Variants in MCC observed in about 807,000 individuals in gnomAD.
MCC encodes the protein MCC regulator of Wnt signaling pathway.
Under a neutral mutation model 116.2 loss-of-function variants are expected in MCC, and 90 were observed. The observed-to-expected ratio is 0.77, with a 90% CI of 0.65 to 0.92. MCC has a LOEUF of 0.92. MCC is among the 40% of genes least tolerant of loss of function. The pLI is 0.00. For synonymous variants in MCC, 578 were observed against 510.5 expected (o/e 1.13, Z -1.78); for missense variants, 1,516 against 1,312.2 (o/e 1.16, Z -2.40).
rs115014887 is a variant in MCC at position 113,241,036 on chromosome 5, T to C, written c.628-89614A>G. The stretch of plus-strand genomic sequence containing the variant: ...ATCCTCTGGATGTCCTATAAATTAG[T>C]TGAATCAGAAACTGAGTAATATCAG... On this transcript the variant is annotated intron_variant, in intron 3 of 18. Transcript: ENST00000408903. Among the ~76,000 whole-genome samples, 640 of 152,316 alleles carry C rather than the reference T, an allele frequency of 4.2e-3. 7 individuals are homozygous for C. Among genetic ancestry groups the C allele is most frequent in the African/African-American group, 0.014 (593 of 41,572 alleles).
At chr5:113,081,349 A>G (rs1413835842) in intron 11 of MCC, among the ~76,000 whole-genome samples, 1 of 152,222 alleles carries the variant, frequency 6.6e-6, no homozygotes, top group Non-Finnish European at 1.5e-5. Context: ...TCTCATTTGC[A>G]AAACAGGACT....
At chr5:113,167,501 G>C (rs1760831167) in intron 3 of MCC, among the ~76,000 whole-genome samples, 1 of 152,114 alleles carries the variant, frequency 6.6e-6, no homozygotes, top group African/African-American at 2.4e-5. Context: ...ACAGGCTAGA[G>C]TGAAAAAGGG....
chr5:113,215,150 G>A (rs922863707), intron 3 of MCC, among the ~76,000 whole-genome samples: 3 of 152,178 alleles, frequency 2.0e-5, no homozygotes, highest in East Asian at 3.8e-4. Context: ...AGCCTTTGCT[G>A]ACAACCCTAG....
intron 6 of MCC, among the ~76,000 whole-genome samples, chr5:113,106,051 C>T (rs901986692): frequency 6.6e-6 from 1 of 152,188 alleles, no homozygotes; most frequent in East Asian, 1.9e-4. Flanking sequence ...GTAATTCTAA[C>T]GTGCAGTCAG....
chr5:113,103,814 C>T (rs931732062), intron 7 of MCC, among the ~76,000 whole-genome samples: 1 of 152,214 alleles, frequency 6.6e-6, no homozygotes, highest in African/African-American at 2.4e-5. Flanking sequence ...GAATGGACTC[C>T]TGAAATCGTA....
chr5:113,042,219 C>T (rs1445569566), intron 17 of MCC, among the ~76,000 whole-genome samples: 1 of 151,296 alleles, frequency 6.6e-6, no homozygotes, highest in Non-Finnish European at 1.5e-5. Context: ...TGCCTGTAAT[C>T]CCAACATTTT....
intron 8 of MCC, among the ~76,000 whole-genome samples, chr5:113,092,355 G>C (rs1755703335): frequency 6.6e-6 from 1 of 152,138 alleles, no homozygotes; most frequent in Non-Finnish European, 1.5e-5. Context: ...TCTAGATGCT[G>C]GAAGCGACAA....
At chr5:113,453,321 CAG>C (rs755415798) in intron 1 of MCC, among the ~76,000 whole-genome samples, 21 of 152,168 alleles carry the variant, frequency 1.4e-4, no homozygotes, top group Non-Finnish European at 2.6e-4. Flanking sequence ...GGCACACATA[CAG>C]AGAGTCCTAC....
At chr5:113,263,953 T>C (rs939449218) in intron 3 of MCC, among the ~76,000 whole-genome samples, 4 of 150,908 alleles carry the variant, frequency 2.7e-5, no homozygotes, top group African/African-American at 9.7e-5. Flanking sequence ...AAAAAACACG[T>C]GGTCAGATTG....
At chr5:113,286,733 AT>A (rs1490702991) in intron 3 of MCC, among the ~76,000 whole-genome samples, 1 of 152,296 alleles carries the variant, frequency 6.6e-6, no homozygotes, top group African/African-American at 2.4e-5. Flanking sequence ...TAACTACAGA[AT>A]TTTTTTCCCT....
chr5:113,073,759 G>A (rs965428441), intron 11 of MCC, among the ~76,000 whole-genome samples: 3 of 150,912 alleles, frequency 2.0e-5, no homozygotes, highest in Non-Finnish European at 2.9e-5. Flanking sequence ...GGGGTCCCAC[G>A]CCCACGGAGC....
chr5:113,073,326 C>G (rs1754175875), intron 11 of MCC, among the ~76,000 whole-genome samples: 1 of 152,246 alleles, frequency 6.6e-6, no homozygotes, highest in Non-Finnish European at 1.5e-5. Context: ...CCTGCCAGAG[C>G]TGCCCTGGCA....
chr5:113,132,997 T>C (rs1758555658), intron 5 of MCC, among the ~76,000 whole-genome samples: 3 of 152,134 alleles, frequency 2.0e-5, no homozygotes, highest in Non-Finnish European at 2.9e-5. Context: ...TAAGAATCTA[T>C]AACTTTCTTT....
chr5:113,474,111 G>C (rs1772170019), intron 1 of MCC, among the ~76,000 whole-genome samples: 1 of 152,162 alleles, frequency 6.6e-6, no homozygotes. Context: ...ACAAAAAGTT[G>C]ATAAACTTTT....
chr5:113,434,547 A>G lies in MCC; in HGVS notation c.171-49335T>C. Reference sequence around the variant, plus strand: ...TCCCCGGGTTTTGATTAACTCGAGGAGGTCGCCCTGGACCGCGAGCTCCAT... The same window carrying G: ...TCCCCGGGTTTTGATTAACTCGAGGGGGTCGCCCTGGACCGCGAGCTCCAT... On this transcript the variant is annotated intron_variant, in intron 1 of 18. Transcript: ENST00000408903. The surrounding 1 kb of genome is among the most constrained non-coding windows in gnomAD (Gnocchi z 4.2). 1 of 1,612,866 alleles carries G rather than the reference A, an allele frequency of 6.2e-7. No individual in the cohort carries two copies. Among genetic ancestry groups the G allele is most frequent in the Non-Finnish European group, 8.5e-7 (1 of 1,179,246 alleles).
At chr5:113,035,199 A>G (rs1751249018) in intron 17 of MCC, among the ~76,000 whole-genome samples, 3 of 152,152 alleles carry the variant, frequency 2.0e-5, no homozygotes, top group Non-Finnish European at 4.4e-5. Flanking sequence ...TTGGGCTCAG[A>G]TCTCTCTGCC....
intron 1 of MCC, chr5:113,433,873 G>T: frequency 6.2e-7 from 1 of 1,613,996 alleles, no homozygotes; most frequent in Non-Finnish European, 8.5e-7. Context: ...GTCTCAGGCT[G>T]TGCCTGGGGC....
Position 113,202,410 on chromosome 5 carries a change from A to T in MCC, c.628-50988T>A, listed in dbSNP as rs921917947. On this transcript the variant is annotated intron_variant, in intron 3 of 18. Coordinates refer to ENST00000408903, the MANE Select transcript of MCC (RefSeq NM_001085377.2). ...CAGGACTGATAACCTACACTGGGGT[A>T]GCTCCGACACTGGGTTTACTTTGAA... is the stretch of plus-strand genomic sequence containing the variant. Among the ~76,000 whole-genome samples the T allele has an allele frequency of 1.9e-4, 29 of 152,186 alleles. 1 individual carries two copies. Among genetic ancestry groups the T allele is most frequent in the African/African-American group, 7.0e-4 (29 of 41,458 alleles).
intron 1 of MCC, among the ~76,000 whole-genome samples, chr5:113,406,032 T>C (rs192176050): frequency 9.2e-5 from 14 of 152,242 alleles, no homozygotes; most frequent in Non-Finnish European, 1.8e-4. Flanking sequence ...AGCGGCACAA[T>C]TCAAGGGCTA....
Sources: gnomAD v4.1 joint callset for allele counts (sites outside exome capture counted in the v4.1 genomes callset) on GRCh38, gnomAD v4.1.1 for gene constraint, Gnocchi (gnomAD v3.1) non-coding constraint, MANE v1.5 for transcripts, NCBI Gene and HGNC (gene_info 2026-07-23, HGNC 2026-07-21) for gene names.